Variants in SRD5A1 observed in about 807,000 individuals in gnomAD.
The protein encoded by SRD5A1 is steroid 5 alpha-reductase 1.
In SRD5A1, 22 loss-of-function variants were observed where a neutral mutation model predicts 28.2. The observed-to-expected ratio is 0.78, with a 90% CI of 0.56 to 1.12. The LOEUF (loss-of-function observed/expected upper bound fraction) is 1.12, where lower values mean the gene tolerates loss of function less well. SRD5A1 is among the 50% of genes most tolerant of loss of function. The probability of loss-of-function intolerance (pLI) is 0.00; values close to 1 mark genes in which losing one functional copy is unlikely to be tolerated. For missense variants in SRD5A1, 300 were observed against 346.7 expected, an observed-to-expected ratio of 0.87 and a Z score of 1.07; for synonymous variants, 151 against 135.0, an observed-to-expected ratio of 1.12 and a Z score of -0.82.
chr5:6,663,721 G>T (rs1389797675), intron 4 of SRD5A1, among the ~76,000 whole-genome samples: 1 of 152,030 alleles, frequency 6.6e-6, no homozygotes, highest in East Asian at 1.9e-4. Context: ...TTAGTCAGGC[G>T]TGGTGGCGGG....
At chr5:6,664,392 C>T (rs1739097779) in intron 4 of SRD5A1, among the ~76,000 whole-genome samples, 1 of 152,066 alleles carries the variant, frequency 6.6e-6, no homozygotes, top group South Asian at 2.1e-4. Context: ...AAGGTCATAT[C>T]TGAAGTATCT....
In SRD5A1 at chr5:6,673,805, A is replaced by G. The variant is rs1739429671; in HGVS notation, c.*5537A>G. 6.6e-6 allele frequency: 1 copy of G among 152,252 alleles called. No individual in the cohort carries two copies. Among genetic ancestry groups the G allele is most frequent in the African/African-American group, 2.4e-5 (1 of 41,472 alleles). The allele number at this position is 152,252 out of a possible 1,614,324, so 9.4% of individuals were successfully genotyped here. ...TTTTTTAACAAAGAGCTATCAAGCC[A>G]TGAAAAGATAAGGAAGAACTTTAAT... On this transcript the variant is annotated 3_prime_UTR_variant, in exon 5 of 5. Coordinates refer to ENST00000274192, the MANE Select transcript of SRD5A1 (RefSeq NM_001047.4).
chr5:6,654,210 G>A (rs920670933), intron 2 of SRD5A1, among the ~76,000 whole-genome samples: 9 of 151,748 alleles, frequency 5.9e-5, no homozygotes, highest in Non-Finnish European at 1.3e-4. Context: ...ATGCCACTAT[G>A]CCCAACTAAT....
intron 4 of SRD5A1, among the ~76,000 whole-genome samples, chr5:6,664,621 G>C (rs1579416464): frequency 6.6e-6 from 1 of 152,298 alleles, no homozygotes; most frequent in South Asian, 2.1e-4. Flanking sequence ...GCCCAAGCTG[G>C]TCTTAAACTC....
intron 1 of SRD5A1, among the ~76,000 whole-genome samples, chr5:6,636,819 T>C (rs1238848245): frequency 1.3e-5 from 2 of 152,174 alleles, no homozygotes; most frequent in Non-Finnish European, 2.9e-5. Context: ...TGACAAGACA[T>C]TCCCTTTGAG....
intron 4 of SRD5A1, among the ~76,000 whole-genome samples, chr5:6,666,155 T>TC (rs1187147725): frequency 6.6e-6 from 1 of 152,116 alleles, no homozygotes; most frequent in African/African-American, 2.4e-5. Context: ...TTTATAATGT[T>TC]CTTTTTTTTT....
intron 1 of SRD5A1, among the ~76,000 whole-genome samples, chr5:6,649,389 G>A (rs540015644): frequency 9.2e-5 from 14 of 152,282 alleles, no homozygotes; most frequent in African/African-American, 2.9e-4. Flanking sequence ...CGAACTTCCT[G>A]GGGCTTTGTT....
At chr5:6,659,338 C>T (rs1738933495) in intron 3 of SRD5A1, among the ~76,000 whole-genome samples, 2 of 152,124 alleles carry the variant, frequency 1.3e-5, no homozygotes, top group African/African-American at 4.8e-5. Flanking sequence ...TGGTCTCGAT[C>T]TCCTGACCTC....
rs8192205 is a variant in SRD5A1, at chr5:6,655,781, C to T, written c.461-297C>T. Among the ~76,000 whole-genome samples the T allele has an allele frequency of 3.5e-3, 536 of 152,208 alleles. 4 individuals are homozygous for T. Among genetic ancestry groups the T allele is most frequent in the African/African-American group, 0.011 (467 of 41,532 alleles). On this transcript the variant is annotated intron_variant, in intron 2 of 4. Coordinates refer to ENST00000274192, the MANE Select transcript of SRD5A1 (RefSeq NM_001047.4). Reference sequence around the variant, plus strand: ...TCCCTGATGCTCCCTGGAAAGGAGCCGTGTGCCCAAGTCAGATTTCTGTCC... The same window carrying T: ...TCCCTGATGCTCCCTGGAAAGGAGCTGTGTGCCCAAGTCAGATTTCTGTCC...
At chr5:6,653,720 T>G (rs1738752270) in intron 2 of SRD5A1, among the ~76,000 whole-genome samples, 2 of 152,006 alleles carry the variant, frequency 1.3e-5, no homozygotes, top group African/African-American at 4.8e-5. Context: ...TGCCAGAGAG[T>G]CTCATGGGAC....
intron 1 of SRD5A1, among the ~76,000 whole-genome samples, chr5:6,637,278 G>T (rs751618680): frequency 1.3e-5 from 2 of 152,100 alleles, no homozygotes; most frequent in African/African-American, 2.4e-5. Flanking sequence ...TTACAGTGAC[G>T]CCCCGCTGCA....
chr5:6,639,171 T>G (rs1182924564), intron 1 of SRD5A1, among the ~76,000 whole-genome samples: 9 of 152,244 alleles, frequency 5.9e-5, no homozygotes, highest in African/African-American at 2.2e-4. Flanking sequence ...GACATACTTC[T>G]TTAGTTCCCT....
At chr5:6,662,747 A>T in intron 3 of SRD5A1, 69 bp from the exon 4 acceptor site, 1 of 1,534,154 alleles carries the variant, frequency 6.5e-7, no homozygotes, top group South Asian at 1.1e-5. Flanking sequence ...GTAAGTATTC[A>T]CTAGCATCTC....
chr5:6,648,727 G>A (rs1250776881), intron 1 of SRD5A1, among the ~76,000 whole-genome samples: 1 of 152,114 alleles, frequency 6.6e-6, no homozygotes, highest in African/African-American at 2.4e-5. Context: ...TGGCTCAGAG[G>A]AGTTTGTTAT....
chr5:6,666,217 G>A (rs889437586), intron 4 of SRD5A1, among the ~76,000 whole-genome samples: 23 of 151,800 alleles, frequency 1.5e-4, no homozygotes, highest in South Asian at 1.5e-3. Context: ...GCGCGATCTC[G>A]GCTCACTGCA....
chr5:6,663,815 G>A (rs990009459), intron 4 of SRD5A1, among the ~76,000 whole-genome samples: 6 of 151,818 alleles, frequency 4.0e-5, no homozygotes, highest in Admixed American at 6.6e-5. Context: ...AGCCGATATC[G>A]CACCACTGCA....
intron 3 of SRD5A1, among the ~76,000 whole-genome samples, chr5:6,661,209 C>T (rs928646470): frequency 1.3e-5 from 2 of 152,088 alleles, no homozygotes; most frequent in Middle Eastern, 3.2e-3. Flanking sequence ...TGTGCTGTCT[C>T]GGGCTCAGCA....
At chr5:6,657,112 CT>C (rs1352629921) in intron 3 of SRD5A1, among the ~76,000 whole-genome samples, 1 of 152,236 alleles carries the variant, frequency 6.6e-6, no homozygotes, top group East Asian at 1.9e-4. Context: ...CGTGACATCA[CT>C]TAGTTTGAAA....
chr5:6,651,924 T>C lies in SRD5A1; in HGVS notation c.376T>C (p.Cys126Arg). The change falls in exon 2 of 5, where the codon TGT becomes CGT. Residue 126 changes from cysteine to arginine, a missense_variant. Cys to Arg is a radical substitution (Grantham distance 180). Around this residue, in one of 2 missense-constraint regions of SRD5A1, gnomAD observed 126 missense variants for 185.7 expected, o/e 0.68. Coordinates refer to ENST00000274192, the MANE Select transcript of SRD5A1 (RefSeq NM_001047.4). ...ACTMAIMFCT[C>R]NGYLQSRYLS... ...TACAATGGCGATTATGTTCTGTACC[T>C]GTAACGGCTATTTGCAAAGCAGATA... The C allele has an allele frequency of 6.2e-7, 1 of 1,614,112 alleles. No homozygotes were observed. Among genetic ancestry groups the C allele is most frequent in the African/African-American group, 1.3e-5 (1 of 75,074 alleles).
Sources: gnomAD v4.1 joint callset for allele counts (sites outside exome capture counted in the v4.1 genomes callset) on GRCh38, gnomAD v4.1.1 for gene constraint, gnomAD v4.1.1 regional missense constraint, MANE v1.5 for transcripts, NCBI Gene and HGNC (gene_info 2026-07-23, HGNC 2026-07-21) for gene names.